The following CHORDC1 variants were observed in gnomAD, a reference collection of about 807,000 sequenced individuals.
CHORDC1 encodes the protein cysteine and histidine-rich domain-containing protein 1.
In CHORDC1, 25 loss-of-function variants were observed where a neutral mutation model predicts 48.3. The ratio of observed to expected loss-of-function variants is 0.52; its 90% CI spans 0.38 to 0.72. The LOEUF (loss-of-function observed/expected upper bound fraction) is 0.72. Ranked by LOEUF, CHORDC1 falls within the 30% of genes least tolerant of loss-of-function variation. The pLI, the probability that CHORDC1 is intolerant of heterozygous loss-of-function variation, is 0.00. For synonymous variants in CHORDC1, 128 were observed against 126.4 expected, an observed-to-expected ratio of 1.01 and a Z score of -0.09; for missense variants, 317 against 388.7, an observed-to-expected ratio of 0.82 and a Z score of 1.55.
At chr11:90,215,123 T>C in intron 3 of CHORDC1, 51 bp downstream of exon 3, 2 of 1,078,546 alleles carry the variant, frequency 1.9e-6, no homozygotes, top group Non-Finnish European at 2.7e-6. Context: ...TGAAGCTTTC[T>C]ATAACATGTA....
intron 9 of CHORDC1, among the ~76,000 whole-genome samples, chr11:90,203,083 G>C (rs1427493570): frequency 6.6e-6 from 1 of 152,088 alleles, no homozygotes; most frequent in Non-Finnish European, 1.5e-5. Context: ...TATATTACTT[G>C]ATAAATCTAC....
intron 1 of CHORDC1, among the ~76,000 whole-genome samples, chr11:90,219,035 G>T (rs1461698356): frequency 6.6e-6 from 1 of 151,736 alleles, no homozygotes; most frequent in Admixed American, 6.6e-5. Context: ...GGAGGCTGAG[G>T]TAGGCAGATC....
intron 1 of CHORDC1, chr11:90,222,494 C>T: frequency 2.6e-6 from 1 of 391,788 alleles, no homozygotes; most frequent in Middle Eastern, 8.7e-4. Context: ...ACAGCCATCA[C>T]TACTTCGGGA....
chr11:90,215,325 G>C, intron 2 of CHORDC1, 95 bp from the exon 3 acceptor site: 1 of 731,334 alleles, frequency 1.4e-6, no homozygotes, highest in Non-Finnish European at 2.2e-6. Context: ...CTTGAATCCT[G>C]CAGTAACTTG....
chr11:90,211,275 A>G lies in CHORDC1; in HGVS notation c.373T>C (p.Ser125Pro), dbSNP rs1857853289. 4 of 1,609,738 alleles carry G rather than the reference A, an allele frequency of 2.5e-6. No homozygotes were observed. The highest frequency in any genetic ancestry group is 2.5e-6 in the Non-Finnish European group (3 of 1,176,930). ...MTNLELKISASLKQALDKLKL... is the reference protein window; with the variant it reads ...MTNLELKISAPLKQALDKLKL... ...AGTTTATCAAGTGCTTGTTTTAGGG[A>G]GGCAGATATTTTTAATTCCAAATTT... is the stretch of plus-strand genomic sequence containing the variant. Residue 125 changes from serine to proline, a missense_variant, in exon 5 of 11, where the codon TCC becomes CCC. By Grantham distance (74) the Ser-to-Pro change is moderately conservative. Coordinates refer to ENST00000320585, the MANE Select transcript of CHORDC1 (RefSeq NM_012124.3).
intron 1 of CHORDC1, among the ~76,000 whole-genome samples, chr11:90,220,564 T>C (rs1858141434): frequency 6.6e-6 from 1 of 152,074 alleles, no homozygotes; most frequent in African/African-American, 2.4e-5. Flanking sequence ...TCACAATAAG[T>C]CAATTTTGGC....
intron 4 of CHORDC1, chr11:90,213,497 T>A: frequency 1.5e-6 from 1 of 652,838 alleles, no homozygotes. Flanking sequence ...ATGAAGAATC[T>A]GTACAACTCT....
chr11:90,214,041 T>G lies in CHORDC1; in HGVS notation c.306A>C (p.Pro102=). 2 of 1,611,810 alleles carry G rather than the reference T, an allele frequency of 1.2e-6. No homozygotes were observed. Among genetic ancestry groups the G allele is most frequent in the African/African-American group, 2.7e-5 (2 of 74,926 alleles). Residue 102 remains proline (P), a synonymous_variant, in exon 4 of 11, where the codon CCA becomes CCC. Transcript: ENST00000320585. The stretch of plus-strand genomic sequence containing the variant: ...ACCTTGGTCTTTTTATTGCTTCTAC[T>G]GGCTTAGGGGCTTGAATGATGTGTT... The part of the protein sequence containing the change: ...FQEHIIQAPK[P]VEAIKRPSPD...
intron 4 of CHORDC1, chr11:90,212,980 C>T (rs1857911850): frequency 6.5e-6 from 1 of 153,240 alleles, no homozygotes. Flanking sequence ...TTAACTCATA[C>T]TATTATAGTA....
chr11:90,211,377 C>A, intron 4 of CHORDC1, 59 bp from the exon 5 acceptor site: 1 of 1,081,374 alleles, frequency 9.2e-7, no homozygotes, highest in South Asian at 1.3e-5. Context: ...TCTTTGTACT[C>A]CAAATTAATA....
In CHORDC1 at chr11:90,202,098, T is replaced by C. The variant is rs1309994983; in HGVS notation, c.*307A>G. 4.3e-6 allele frequency: 1 copy of C among 230,080 alleles called. No homozygotes were observed. The highest frequency in any genetic ancestry group is 8.3e-6 in the Non-Finnish European group (1 of 119,812). 14.3% of individuals were successfully genotyped at this position (230,080 alleles called of 1,614,324 possible). ...AAAATGTTCCTTAATATTTCTTTGC[T>C]TAACAGAGAAATACAAAGAAATACT... On this transcript the variant is annotated 3_prime_UTR_variant, in exon 11 of 11. Coordinates refer to ENST00000320585, the MANE Select transcript of CHORDC1 (RefSeq NM_012124.3).
intron 9 of CHORDC1, 81 bp downstream of exon 9, chr11:90,203,227 T>C (rs1857584637): frequency 3.0e-6 from 4 of 1,322,660 alleles, no homozygotes; most frequent in East Asian, 2.3e-5. Context: ...AGCTGAGATA[T>C]AAACAATACT....
At chr11:90,213,256 G>A (rs1290547725) in intron 4 of CHORDC1, 1 of 547,250 alleles carries the variant, frequency 1.8e-6, no homozygotes, top group Non-Finnish European at 3.3e-6. Flanking sequence ...ATTTATTTAA[G>A]TAGGATCAAA....
chr11:90,202,600 T>C, intron 10 of CHORDC1, 49 bp from the exon 11 acceptor site: 1 of 1,586,070 alleles, frequency 6.3e-7, no homozygotes, highest in Non-Finnish European at 8.6e-7. Context: ...GTTTTATTAG[T>C]CTCAGAGGAA....
intron 1 of CHORDC1, among the ~76,000 whole-genome samples, chr11:90,220,996 T>C (rs916627868): frequency 3.3e-5 from 5 of 152,098 alleles, no homozygotes; most frequent in Non-Finnish European, 5.9e-5. Context: ...TAAAACGTTC[T>C]ATCAGCTTAA....
At position 90,205,470 on chromosome 11, in the gene CHORDC1, T is replaced by TTAG. The variant is rs759653216; in HGVS notation, c.656_658dup (p.Thr219dup). On this transcript the variant is annotated inframe_insertion, in exon 8 of 11. Transcript: ENST00000320585. Reference sequence around the variant, plus strand: ...GGAAGAGTTACTTACAGCATCTTTTTTAGTCCACATGTGTTTCCCTTTTGT... The same window carrying TTAG: ...GGAAGAGTTACTTACAGCATCTTTTTTAGTAGTCCACATGTGTTTCCCTTTTGT... 14 of 1,593,140 alleles carry TTAG rather than the reference T, an allele frequency of 8.8e-6. No individual in the cohort carries two copies. In the South Asian group the frequency reaches 1.5e-4, roughly 17 times the overall value.
chr11:90,208,460 A>G (rs1012826723), intron 6 of CHORDC1: 2 of 152,172 alleles, frequency 1.3e-5, no homozygotes, highest in African/African-American at 4.8e-5. Context: ...GCATTATTAA[A>G]AACAATTTTT....
In CHORDC1 at chr11:90,210,574, T is replaced by C. The variant is rs749670643; in HGVS notation, c.454A>G (p.Lys152Glu). 2.5e-6 allele frequency: 4 copies of C among 1,589,458 alleles called. No homozygotes were observed. The highest frequency in any genetic ancestry group is 3.4e-6 in the Non-Finnish European group (4 of 1,160,128). The change falls in exon 6 of 11, where the codon AAG (lysine) becomes GAG (glutamate). Residue 152 changes from lysine to glutamate, a missense_variant. By Grantham distance (56) the Lys-to-Glu change is moderately conservative. Transcript: ENST00000320585. ...NKKEEDNDEIKIGTSCKNGGC... is the reference protein window; with the variant it reads ...NKKEEDNDEIEIGTSCKNGGC... The stretch of plus-strand genomic sequence containing the variant: ...CCATTCTTACATGAGGTCCCAATCT[T>C]AATTTCATCATTGTCTTCTTCTGTA...
At chr11:90,210,403 T>C (rs562429526) in intron 6 of CHORDC1, 133 bp downstream of exon 6, 7 of 631,130 alleles carry the variant, frequency 1.1e-5, no homozygotes, top group African/African-American at 3.8e-5. Context: ...TCCATGATTG[T>C]AGCCCTAGTC....
Sources: allele counts gnomAD v4.1 joint callset (sites outside exome capture counted in the v4.1 genomes callset), GRCh38; gene constraint gnomAD v4.1.1; transcripts MANE v1.5; gene names NCBI Gene and HGNC (gene_info 2026-07-23, HGNC 2026-07-21).